The following EDDM3A variants were observed in gnomAD, a reference collection of about 807,000 sequenced individuals.
EDDM3A encodes the protein epididymal protein 3A, also known as epididymal secretory protein E3-alpha.
For missense variants in EDDM3A, 199 were observed against 177.4 expected, an observed-to-expected ratio of 1.12 and a Z score of -0.69; for synonymous variants, 75 against 60.4, an observed-to-expected ratio of 1.24 and a Z score of -1.12.
the EDDM3A span, among the ~76,000 whole-genome samples, chr14:20,736,983 G>A: frequency 6.6e-6 from 1 of 151,858 alleles, no homozygotes; most frequent in Non-Finnish European, 1.5e-5. Context: ...AAAGTGCTAG[G>A]ATTATAGGCG....
Position 20,747,545 on chromosome 14 carries a change from T to G in EDDM3A, c.-26-10T>G, listed in dbSNP as rs1253266486. 1 of 1,505,566 alleles carries G rather than the reference T, an allele frequency of 6.6e-7. No individual in the cohort carries two copies. The highest frequency in any genetic ancestry group is 1.4e-5 in the African/African-American group (1 of 71,334). 93.3% of individuals were successfully genotyped at this position (1,505,566 alleles called of 1,614,324 possible). On this transcript the variant is annotated splice_polypyrimidine_tract_variant and intron_variant, in intron 1 of 1. Coordinates refer to ENST00000326842, the MANE Select transcript of EDDM3A (RefSeq NM_006683.5). The stretch of plus-strand genomic sequence containing the variant: ...AGTCTGGTTAATGCTTTTCTTTCTC[T>G]TCCCTGTAGACACGCAGGTGGACGT...
At chr14:20,746,950 A>G (rs1202329184) in intron 1 of EDDM3A, among the ~76,000 whole-genome samples, 1 of 152,208 alleles carries the variant, frequency 6.6e-6, no homozygotes, top group East Asian at 1.9e-4. Flanking sequence ...TTGGTAAAAG[A>G]GAGCTCGATA....
chr14:20,740,352 C>G, the EDDM3A span, among the ~76,000 whole-genome samples: 1 of 152,214 alleles, frequency 6.6e-6, no homozygotes, highest in Non-Finnish European at 1.5e-5. Context: ...GGAGATTCAC[C>G]AAAGTATCTG....
the EDDM3A span, among the ~76,000 whole-genome samples, chr14:20,737,902 C>G: frequency 6.6e-6 from 1 of 152,186 alleles, no homozygotes; most frequent in Non-Finnish European, 1.5e-5. Flanking sequence ...TGGAAAAGTG[C>G]TAAACATTAA....
At chr14:20,737,575 G>A in the EDDM3A span, among the ~76,000 whole-genome samples, 1 of 152,138 alleles carries the variant, frequency 6.6e-6, no homozygotes, top group South Asian at 2.1e-4. Context: ...TGTTTGCCGG[G>A]CTAAGGTGTT....
chr14:20,740,096 C>A, the EDDM3A span, among the ~76,000 whole-genome samples: 2,922 of 152,258 alleles, frequency 0.019, 99 homozygotes, highest in African/African-American at 0.066. Flanking sequence ...CTGTCCAGAC[C>A]CCTCACAAAC....
upstream of EDDM3A, among the ~76,000 whole-genome samples, chr14:20,742,441 G>A (rs1361548387): frequency 6.6e-6 from 1 of 152,226 alleles, no homozygotes; most frequent in Admixed American, 6.5e-5. Flanking sequence ...CTAAAGCAGA[G>A]CATTGTGAAA....
At chr14:20,737,060 T>TC in the EDDM3A span, among the ~76,000 whole-genome samples, 6 of 146,412 alleles carry the variant, frequency 4.1e-5, no homozygotes, top group East Asian at 4.8e-4. Context: ...TTTCCTTTTT[T>TC]TTTTTTTTTT....
chr14:20,739,366 C>T, the EDDM3A span, among the ~76,000 whole-genome samples: 1 of 152,194 alleles, frequency 6.6e-6, no homozygotes, highest in Non-Finnish European at 1.5e-5. Flanking sequence ...TCTAGCTTTC[C>T]TGATATCCAT....
chr14:20,740,412 A>G, the EDDM3A span, among the ~76,000 whole-genome samples: 4 of 152,222 alleles, frequency 2.6e-5, no homozygotes, highest in Non-Finnish European at 2.9e-5. Context: ...GCTCACTTGC[A>G]GGGGAGAAGG....
chr14:20,746,956 C>T (rs915013915), intron 1 of EDDM3A, among the ~76,000 whole-genome samples: 5 of 152,052 alleles, frequency 3.3e-5, no homozygotes, highest in Admixed American at 6.6e-5. Flanking sequence ...AAAGAGAGCT[C>T]GATAGTGATT....
the EDDM3A span, among the ~76,000 whole-genome samples, chr14:20,738,528 G>A: frequency 1.3e-5 from 2 of 151,730 alleles, no homozygotes; most frequent in Admixed American, 1.3e-4. Context: ...CCTCCTCAAT[G>A]GTCAATTTAC....
upstream of EDDM3A, among the ~76,000 whole-genome samples, chr14:20,741,806 T>C (rs978177290): frequency 1.3e-5 from 2 of 152,106 alleles, no homozygotes; most frequent in African/African-American, 2.4e-5. Flanking sequence ...GAGCCCTGGG[T>C]CATTATGATG....
upstream of EDDM3A, chr14:20,745,809 C>G (rs1459746162): frequency 6.6e-6 from 1 of 152,384 alleles, no homozygotes; most frequent in Non-Finnish European, 1.5e-5. Context: ...CATAATAAGG[C>G]TGTTCCCCAT....
At chr14:20,736,209 T>A in the EDDM3A span, among the ~76,000 whole-genome samples, 67,745 of 151,472 alleles carry the variant, frequency 0.45, 16,053 homozygotes, top group East Asian at 0.67. Flanking sequence ...TCCAGGTTTC[T>A]AGCGATTATC....
chr14:20,740,971 T>A (rs1384114802), upstream of EDDM3A, among the ~76,000 whole-genome samples: 1 of 152,220 alleles, frequency 6.6e-6, no homozygotes, highest in African/African-American at 2.4e-5. Flanking sequence ...CCATGGGGCT[T>A]ATTTGGGTAC....
In EDDM3A at chr14:20,747,738, T is replaced by C; in HGVS notation, c.158T>C (p.Leu53Pro). 2 of 1,614,180 alleles carry C rather than the reference T, an allele frequency of 1.2e-6. No homozygotes were observed. Among genetic ancestry groups the C allele is most frequent in the African/African-American group, 1.3e-5 (1 of 75,046 alleles). The change falls in exon 2 of 2, where the codon CTC becomes CCC. Residue 53 changes from leucine to proline, a missense_variant. Coordinates refer to ENST00000326842, the MANE Select transcript of EDDM3A (RefSeq NM_006683.5). ...TTCAAAGAGTACAAATGTGATGTCC[T>C]CATGAGAGAAAAAGAGGCTCTGAAA... ...REFKEYKCDV[L>P]MREKEALKGK...
chr14:20,742,522 C>A (rs1877465224), upstream of EDDM3A, among the ~76,000 whole-genome samples: 1 of 152,188 alleles, frequency 6.6e-6, no homozygotes, highest in East Asian at 1.9e-4. Context: ...CTGATGCCTA[C>A]ATTCATCTTC....
chr14:20,741,995 G>A (rs750259243), upstream of EDDM3A, among the ~76,000 whole-genome samples: 3 of 152,176 alleles, frequency 2.0e-5, no homozygotes, highest in African/African-American at 2.4e-5. Flanking sequence ...TGCCTAAAGC[G>A]TCACTTCTTA....
Sources: allele counts gnomAD v4.1 joint callset (sites outside exome capture counted in the v4.1 genomes callset), GRCh38; gene constraint gnomAD v4.1.1; transcripts MANE v1.5; gene names NCBI Gene and HGNC (gene_info 2026-07-23, HGNC 2026-07-21).